Variants in SEPTIN11 observed in about 807,000 individuals in gnomAD.
SEPTIN11 encodes septin-11.
In SEPTIN11, 25 loss-of-function variants were observed where a neutral mutation model predicts 51.4. The ratio of observed to expected loss-of-function variants is 0.49; its 90% CI spans 0.35 to 0.68. The LOEUF is 0.68. SEPTIN11 is among the 30% of genes least tolerant of loss of function. The pLI, the probability that SEPTIN11 is intolerant of heterozygous loss-of-function variation, is 0.00. For missense variants in SEPTIN11, 381 were observed against 520.8 expected, an observed-to-expected ratio of 0.73 and a Z score of 2.61; for synonymous variants, 174 against 184.1, an observed-to-expected ratio of 0.95 and a Z score of 0.44.
chr4:77,010,141 A>G (rs947869365), intron 3 of SEPTIN11, among the ~76,000 whole-genome samples: 15 of 152,128 alleles, frequency 9.9e-5, no homozygotes, highest in Non-Finnish European at 4.4e-5. Flanking sequence ...TTTATTTGTC[A>G]CAATAGCTCT....
chr4:77,003,689 A>G (rs1724282854), intron 2 of SEPTIN11, among the ~76,000 whole-genome samples: 1 of 152,252 alleles, frequency 6.6e-6, no homozygotes, highest in Middle Eastern at 3.2e-3. Context: ...GAGAAAGCTC[A>G]AATCCAGAAA....
intron 2 of SEPTIN11, among the ~76,000 whole-genome samples, chr4:77,004,525 A>T (rs747546787): frequency 1.1e-4 from 17 of 152,242 alleles, no homozygotes; most frequent in Non-Finnish European, 2.4e-4. Context: ...TTGGAACCAT[A>T]CAGACTTGAG....
intron 1 of SEPTIN11, among the ~76,000 whole-genome samples, chr4:76,979,095 A>G (rs1004851736): frequency 3.3e-5 from 5 of 152,170 alleles, no homozygotes; most frequent in Admixed American, 2.0e-4. Flanking sequence ...TCCTAAACAT[A>G]TGGCCCTGGC....
chr4:77,025,749 A>G (rs1726084849), intron 7 of SEPTIN11, among the ~76,000 whole-genome samples: 1 of 152,158 alleles, frequency 6.6e-6, no homozygotes, highest in South Asian at 2.1e-4. Context: ...TACAGTTATG[A>G]TTCCTTGGGG....
chr4:76,956,842 T>G (rs992407323), intron 1 of SEPTIN11, among the ~76,000 whole-genome samples: 4 of 152,172 alleles, frequency 2.6e-5, no homozygotes, highest in Non-Finnish European at 4.4e-5. Context: ...GTTGGCTAGA[T>G]TCCTAGTCAA....
At chr4:77,014,277 C>G (rs1051742390) in intron 4 of SEPTIN11, among the ~76,000 whole-genome samples, 3 of 152,150 alleles carry the variant, frequency 2.0e-5, no homozygotes, top group African/African-American at 4.8e-5. Flanking sequence ...AGGTTCTCCT[C>G]TCAGCAATTT....
chr4:77,013,690 A>G lies in SEPTIN11; in HGVS notation c.526-1166A>G, dbSNP rs897815699. Among the ~76,000 whole-genome samples the G allele has an allele frequency of 6.0e-4, 92 of 152,354 alleles. 1 individual carries two copies. The highest frequency in any genetic ancestry group is 2.1e-3 in the African/African-American group (88 of 41,582). ...CAGGTTGAGGAATAGGTTGAAGAAT[A>G]GGTCTTTCTCTCAGCATGTCATCTC... On this transcript the variant is annotated intron_variant, in intron 4 of 9. Transcript: ENST00000264893.
intron 3 of SEPTIN11, chr4:77,009,921 T>A (rs1328729337): frequency 6.6e-6 from 1 of 152,262 alleles, no homozygotes; most frequent in Admixed American, 6.5e-5. Context: ...TGGAGTGGCT[T>A]GCTCTACTTC....
downstream of SEPTIN11, chr4:77,038,947 G>A (rs928927219): frequency 3.4e-6 from 2 of 594,176 alleles, no homozygotes; most frequent in Non-Finnish European, 5.4e-6. Flanking sequence ...TCGAGCTCGA[G>A]GAAGTCACCC....
intron 1 of SEPTIN11, chr4:76,974,948 C>A (rs1320983375): frequency 2.3e-6 from 1 of 437,120 alleles, no homozygotes; most frequent in Non-Finnish European, 4.5e-6. Context: ...AATGACAAGA[C>A]CCCATCTCTA....
In SEPTIN11 at chr4:76,949,794, G is replaced by A. The variant is rs1578106968; in HGVS notation, c.-110G>A. 1.6e-6 allele frequency: 2 copies of A among 1,233,884 alleles called. No homozygotes were observed. Among genetic ancestry groups the A allele is most frequent in the Non-Finnish European group, 2.2e-6 (2 of 895,386 alleles). 76.4% of individuals were successfully genotyped at this position (1,233,884 alleles called of 1,614,324 possible). A position where few individuals can be genotyped will look rare whatever the true frequency, so the allele number is the denominator to read the frequency against. On this transcript the variant is annotated 5_prime_UTR_variant, in exon 1 of 10. Coordinates refer to ENST00000264893, the MANE Select transcript of SEPTIN11 (RefSeq NM_018243.4). ...TGCCAGCGGGACGCCGGCGAGCAGAGCGCAGCCGCGAGGGAGGCGCGAGGG... is the reference window on the plus strand; with the variant it reads ...TGCCAGCGGGACGCCGGCGAGCAGAACGCAGCCGCGAGGGAGGCGCGAGGG...
intron 2 of SEPTIN11, among the ~76,000 whole-genome samples, chr4:76,998,265 C>T (rs1278614753): frequency 6.6e-6 from 1 of 152,180 alleles, no homozygotes; most frequent in African/African-American, 2.4e-5. Context: ...TTATAAAACA[C>T]TTCCCTTTCA....
intron 3 of SEPTIN11, 112 bp downstream of exon 3, chr4:77,005,908 C>T: frequency 1.1e-6 from 1 of 893,252 alleles, no homozygotes; most frequent in Middle Eastern, 3.3e-4. Context: ...GGGGCTTGGT[C>T]CTCTATTGCC....
chr4:76,995,850 G>C (rs772296907), intron 1 of SEPTIN11: 13 of 1,535,544 alleles, frequency 8.5e-6, no homozygotes, highest in Middle Eastern at 3.3e-4. Context: ...GGGTGAAGAG[G>C]GGGAAGAAGA....
At chr4:77,032,505 G>T (rs10002443) in intron 9 of SEPTIN11, among the ~76,000 whole-genome samples, 6,870 of 152,230 alleles carry the variant, frequency 0.045, 237 homozygotes, top group East Asian at 0.096. Context: ...GAAAGCCATT[G>T]GGCATTGTAC....
In SEPTIN11 at chr4:77,024,484, G is replaced by A. The variant is rs150224159; in HGVS notation, c.953+3814G>A. 7.4e-3 allele frequency among the ~76,000 whole-genome samples: 1,120 copies of A among 152,138 alleles called. 14 individuals are homozygous for A. Among genetic ancestry groups the A allele is most frequent in the African/African-American group, 0.025 (1,048 of 41,506 alleles). On this transcript the variant is annotated intron_variant, in intron 7 of 9. Transcript: ENST00000264893. The surrounding 1 kb of genome is among the most constrained non-coding windows in gnomAD (Gnocchi z 4.2). ...GGCATTATAGGGTAGAAGAGGAGAC[G>A]TCACGTGTCTCCCATGAGCCACTCC...
intron 9 of SEPTIN11, chr4:77,031,680 T>A (rs1471700471): frequency 2.0e-5 from 3 of 152,238 alleles, no homozygotes; most frequent in African/African-American, 7.2e-5. Context: ...CTTGACATTC[T>A]CCTGTGATTT....
chr4:76,998,676 A>G (rs1723905634), intron 2 of SEPTIN11, among the ~76,000 whole-genome samples: 1 of 152,178 alleles, frequency 6.6e-6, no homozygotes, highest in African/African-American at 2.4e-5. Context: ...AGCTGGCTGC[A>G]GGGGTTCAAC....
At chr4:77,003,695 A>G (rs1190461875) in intron 2 of SEPTIN11, among the ~76,000 whole-genome samples, 1 of 152,256 alleles carries the variant, frequency 6.6e-6, no homozygotes, top group East Asian at 1.9e-4. Context: ...GCTCAAATCC[A>G]GAAAGACTTC....
Sources: allele counts gnomAD v4.1 joint callset (sites outside exome capture counted in the v4.1 genomes callset), GRCh38; gene constraint gnomAD v4.1.1; non-coding constraint Gnocchi (gnomAD v3.1); transcripts MANE v1.5; gene names NCBI Gene and HGNC (gene_info 2026-07-23, HGNC 2026-07-21).